Variants in TAF1 observed in about 807,000 individuals in gnomAD.
TAF1 encodes the protein TATA-box binding protein associated factor 1.
In TAF1, 2 loss-of-function variants were observed where a neutral mutation model predicts 138.5. The ratio of observed to expected loss-of-function variants is 0.01; its 90% CI spans 0.01 to 0.05. TAF1 has a LOEUF of 0.05. Among genes scored for constraint, TAF1 ranks in the 10% least tolerant of loss-of-function variants. TAF1 has a pLI of 1.00. For synonymous variants in TAF1, 437 were observed against 503.2 expected (o/e 0.87, Z 1.76); for missense variants, 709 against 1,478.0 (o/e 0.48, Z 8.53).
At position 71,388,785 on chromosome X, in the gene TAF1, A is replaced by G. The variant is rs1358610598; in HGVS notation, c.2617A>G (p.Thr873Ala). Residue 873 changes from threonine (T) to alanine (A), a missense_variant, in exon 17 of 38, where the codon ACG becomes GCG. Physicochemically the swap from Thr to Ala is moderately conservative, Grantham distance 58. Transcript: ENST00000423759. ...WVLKSDFRLP[T>A]EEEIRAMVSP... ...GCTTAAGTCTGATTTTCGTTTACCA[A>G]CGGAAGAAGAGATCAGAGCTATGGT... 3.9e-5 allele frequency: 47 copies of G among 1,210,060 alleles called. No individual in the cohort carries two copies. Among genetic ancestry groups the G allele is most frequent in the Non-Finnish European group, 4.6e-5 (41 of 895,266 alleles).
intron 34 of TAF1, among the ~76,000 whole-genome samples, chrX:71,456,106 A>G (rs2038267367): frequency 9.0e-6 from 1 of 111,634 alleles, no homozygotes; most frequent in Non-Finnish European, 1.9e-5. Flanking sequence ...AGCTTCCACA[A>G]GGTACTTTCT....
At chrX:71,505,819 G>A (rs1182608276) in intron 13 of TAF1, among the ~76,000 whole-genome samples, 3 of 111,105 alleles carry the variant, frequency 2.7e-5, no homozygotes, top group Middle Eastern at 4.6e-3. Flanking sequence ...TCAGGGGTTC[G>A]AGACCAGCCT....
intron 13 of TAF1, among the ~76,000 whole-genome samples, chrX:71,495,872 T>G (rs1293723319): frequency 8.9e-6 from 1 of 111,985 alleles, no homozygotes; most frequent in Non-Finnish European, 1.9e-5. Context: ...AGATTAGAAG[T>G]TAGGATAATA....
At chrX:71,446,881 A>G (rs1477066657) in intron 32 of TAF1, among the ~76,000 whole-genome samples, 2 of 111,844 alleles carry the variant, frequency 1.8e-5, no homozygotes, top group African/African-American at 6.5e-5. Context: ...CTTGGAAACT[A>G]AACATCCTAA....
At chrX:71,417,275 CAG>C (rs1384935520) in intron 28 of TAF1, among the ~76,000 whole-genome samples, 5 of 110,661 alleles carry the variant, frequency 4.5e-5, no homozygotes, top group African/African-American at 1.3e-4. Flanking sequence ...CGGGACTCTG[CAG>C]AGTTTCCACT....
At chrX:71,381,439 ATTTT>A (rs1027823860) in intron 8 of TAF1, among the ~76,000 whole-genome samples, 135 of 111,263 alleles carry the variant, frequency 1.2e-3, no homozygotes, top group Non-Finnish European at 2.2e-3. Context: ...TAATTTTTGT[ATTTT>A]TTGTAAAGAT....
intron 14 of TAF1, among the ~76,000 whole-genome samples, chrX:71,385,927 C>T (rs28382169): frequency 0.016 from 1,743 of 111,123 alleles, 30 homozygotes; most frequent in African/African-American, 0.055. Context: ...TTTGGGAGGC[C>T]GAGGTGGGCG....
chrX:71,399,738 A>G (rs1208129029), intron 24 of TAF1, among the ~76,000 whole-genome samples: 2 of 101,780 alleles, frequency 2.0e-5, no homozygotes, highest in African/African-American at 7.2e-5. Context: ...TGCCCAGCTA[A>G]TTTTTTTTTT....
At chrX:71,482,790 T>C (rs938499668) in intron 13 of TAF1, among the ~76,000 whole-genome samples, 1 of 112,259 alleles carries the variant, frequency 8.9e-6, no homozygotes, top group Non-Finnish European at 1.9e-5. Context: ...TCACAAAGGA[T>C]TTCTCTGTAG....
chrX:71,389,712 A>G, intron 18 of TAF1, 47 bp downstream of exon 18: 3 of 1,007,592 alleles, frequency 3.0e-6, no homozygotes, highest in Non-Finnish European at 4.1e-6. Context: ...CATCTCATTT[A>G]TCCTTTTAAA....
chrX:71,510,270 T>C (rs1303042851), intron 13 of TAF1, among the ~76,000 whole-genome samples: 1 of 109,603 alleles, frequency 9.1e-6, no homozygotes, highest in Admixed American at 9.8e-5. Context: ...ATTGCAGAAG[T>C]GGCGGGATGA....
chrX:71,401,958 GT>G (rs750331031), intron 25 of TAF1, among the ~76,000 whole-genome samples: 2 of 111,799 alleles, frequency 1.8e-5, no homozygotes, highest in East Asian at 5.6e-4. Flanking sequence ...TTCTGAGTCT[GT>G]TTCCTTAGTT....
At chrX:71,526,903 TA>T (rs775105697) in intron 13 of TAF1, among the ~76,000 whole-genome samples, 3,257 of 87,734 alleles carry the variant, frequency 0.037, 153 homozygotes, top group African/African-American at 0.12. Flanking sequence ...CCCAGTCTCT[TA>T]AAAAAAAAAA....
chrX:71,424,328 A>G (rs747796743), intron 32 of TAF1, 90 bp downstream of exon 32: 21 of 710,878 alleles, frequency 3.0e-5, no homozygotes, highest in Non-Finnish European at 4.2e-5. Flanking sequence ...TTTTTTTTTG[A>G]GACAGGATCT....
chrX:71,366,513 G>C lies in TAF1; in HGVS notation c.120+19G>C. The C allele has an allele frequency of 9.8e-7, 1 of 1,016,269 alleles. No homozygotes were observed. The highest frequency in any genetic ancestry group is 1.3e-6 in the Non-Finnish European group (1 of 757,889). 83.8% of individuals were successfully genotyped at this position (1,016,269 alleles called of 1,213,427 possible). ...GGATGATGTGAGGGGGTGGGCGTGGGGGTAGGGCTCGGGGGGTGGGGCTAA... is the reference window on the plus strand; with the variant it reads ...GGATGATGTGAGGGGGTGGGCGTGGCGGTAGGGCTCGGGGGGTGGGGCTAA... On this transcript the variant is annotated intron_variant, in intron 1 of 37. Transcript: ENST00000423759.
intron 13 of TAF1, among the ~76,000 whole-genome samples, chrX:71,514,327 G>GCAAACAAA (rs201216177): frequency 1.8e-5 from 2 of 109,212 alleles, no homozygotes; most frequent in Non-Finnish European, 1.9e-5. Context: ...TCTCAGAAAA[G>GCAAACAAA]CAAACAAACA....
At chrX:71,483,780 C>CTCTATATA (rs1164519184) in intron 13 of TAF1, among the ~76,000 whole-genome samples, 34 of 37,569 alleles carry the variant, frequency 9.1e-4, no homozygotes, top group Admixed American at 3.0e-3. Context: ...CTCTCTCTCT[C>CTCTATATA]TATATATATA....
At chrX:71,429,101 C>T (rs1464058998) in intron 32 of TAF1, among the ~76,000 whole-genome samples, 1 of 110,559 alleles carries the variant, frequency 9.0e-6, no homozygotes, top group East Asian at 2.8e-4. Context: ...CAGTGAAACC[C>T]CGTCTCTACT....
At chrX:71,389,525 A>G in intron 17 of TAF1, 60 bp from the exon 18 acceptor site, 1 of 1,044,044 alleles carries the variant, frequency 9.6e-7, no homozygotes, top group South Asian at 2.0e-5. Flanking sequence ...CAGTAAAAAA[A>G]AAACTTGTGC....
Sources: allele counts gnomAD v4.1 joint callset (sites outside exome capture counted in the v4.1 genomes callset), GRCh38; gene constraint gnomAD v4.1.1; transcripts MANE v1.5; gene names NCBI Gene and HGNC (gene_info 2026-07-23, HGNC 2026-07-21).